DENND1B: variants seen among roughly 807,000 people sequenced by gnomAD.
The protein encoded by DENND1B is DENN domain containing 1B.
A neutral mutation model predicts 90.1 loss-of-function variants in DENND1B; 59 were observed. The ratio of observed to expected loss-of-function variants is 0.65; its 90% CI spans 0.53 to 0.81. The LOEUF is 0.81. DENND1B is among the 40% of genes least tolerant of loss of function. The pLI is 0.00. For synonymous variants in DENND1B, 337 were observed against 324.6 expected (o/e 1.04, Z -0.41); for missense variants, 862 against 912.6 (o/e 0.94, Z 0.71).
rs1446646052 is a variant in DENND1B at position 197,707,852 on chromosome 1, C to A, written c.126+7179G>T. Reference sequence around the variant, plus strand: ...TCACTAGGGAGTGCCAGACAGTGGGCGCAGGCCAGTGTGTGTGCGCACCGT... The same window carrying A: ...TCACTAGGGAGTGCCAGACAGTGGGAGCAGGCCAGTGTGTGTGCGCACCGT... On this transcript the variant is annotated intron_variant, in intron 3 of 22. Transcript: ENST00000620048. Among the ~76,000 whole-genome samples, 4 of 147,208 alleles carry A rather than the reference C, an allele frequency of 2.7e-5. No individual in the cohort carries two copies. In the East Asian group the frequency reaches 8.1e-4, roughly 30 times the overall value.
chr1:197,719,521 A>T (rs533269168), intron 2 of DENND1B, among the ~76,000 whole-genome samples: 37 of 152,356 alleles, frequency 2.4e-4, no homozygotes, highest in East Asian at 9.6e-4. Flanking sequence ...ATATTTTTCT[A>T]TGTAGTAGGT....
At chr1:197,658,643 A>G (rs944209291) in intron 5 of DENND1B, among the ~76,000 whole-genome samples, 1 of 151,674 alleles carries the variant, frequency 6.6e-6, no homozygotes, top group Non-Finnish European at 1.5e-5. Context: ...CATGGTATTC[A>G]ATAAAAGCAT....
At chr1:197,723,855 AAAG>A (rs1228149997) in intron 2 of DENND1B, among the ~76,000 whole-genome samples, 1 of 152,088 alleles carries the variant, frequency 6.6e-6, no homozygotes, top group African/African-American at 2.4e-5. Context: ...TGGTTAAATA[AAAG>A]AAGACATATA....
chr1:197,508,675 G>A lies in DENND1B; in HGVS notation c.*1785C>T, dbSNP rs1289217698. 1 of 151,442 alleles carries A rather than the reference G, an allele frequency of 6.6e-6. No homozygotes were observed. The highest frequency in any genetic ancestry group is 1.5e-5 in the Non-Finnish European group (1 of 67,744). The allele number at this position is 151,442 out of a possible 1,614,324, so 9.4% of individuals were successfully genotyped here. On this transcript the variant is annotated 3_prime_UTR_variant, in exon 23 of 23. Coordinates refer to ENST00000620048, the MANE Select transcript of DENND1B (RefSeq NM_001195215.2). Reference sequence around the variant, plus strand: ...AATATTTAGAATATAGTCTTATTGGGGTTCTTTAATGATTTCTTGAACATC... The same window carrying A: ...AATATTTAGAATATAGTCTTATTGGAGTTCTTTAATGATTTCTTGAACATC...
chr1:197,634,525 G>A (rs1265316000), intron 10 of DENND1B, among the ~76,000 whole-genome samples: 4 of 152,126 alleles, frequency 2.6e-5, no homozygotes, highest in African/African-American at 7.2e-5. Flanking sequence ...TGTATAGGCT[G>A]AACAAGAGTC....
chr1:197,650,339 C>T (rs546642400), intron 7 of DENND1B, among the ~76,000 whole-genome samples: 1 of 152,254 alleles, frequency 6.6e-6, no homozygotes, highest in East Asian at 1.9e-4. Flanking sequence ...AAACTGATCA[C>T]CTGATCACCG....
At chr1:197,669,201 T>A (rs1655240871) in intron 5 of DENND1B, among the ~76,000 whole-genome samples, 1 of 152,154 alleles carries the variant, frequency 6.6e-6, no homozygotes, top group Non-Finnish European at 1.5e-5. Context: ...TTCATCATTA[T>A]GTGCTCAAAT....
intron 10 of DENND1B, among the ~76,000 whole-genome samples, chr1:197,636,674 T>C (rs765946366): frequency 3.3e-5 from 5 of 152,164 alleles, no homozygotes; most frequent in Non-Finnish European, 7.4e-5. Flanking sequence ...TATTATATAT[T>C]GGCTATAATT....
chr1:197,666,906 C>G (rs560201870), intron 5 of DENND1B, among the ~76,000 whole-genome samples: 1 of 152,030 alleles, frequency 6.6e-6, no homozygotes, highest in African/African-American at 2.4e-5. Context: ...GCCTGTAATC[C>G]CAACACTTTG....
intron 5 of DENND1B, among the ~76,000 whole-genome samples, chr1:197,666,360 T>C (rs137892426): frequency 3.3e-5 from 5 of 152,364 alleles, no homozygotes; most frequent in Non-Finnish European, 7.4e-5. Context: ...AAATGTATCT[T>C]AGCAAGTCTT....
At chr1:197,604,157 T>C (rs578238049) in intron 13 of DENND1B, among the ~76,000 whole-genome samples, 49 of 148,630 alleles carry the variant, frequency 3.3e-4, no homozygotes, top group Admixed American at 6.1e-4. Flanking sequence ...TTCCATGTAA[T>C]AATCAATATC....
chr1:197,547,176 G>A (rs1307762079), intron 16 of DENND1B, among the ~76,000 whole-genome samples: 2 of 152,144 alleles, frequency 1.3e-5, no homozygotes, highest in Admixed American at 6.5e-5. Flanking sequence ...GCTGTGGCCA[G>A]GGCACTGTTT....
chr1:197,605,085 TTTAG>T lies in DENND1B; in HGVS notation c.921+1984_921+1987del, dbSNP rs555889221. 6.5e-4 allele frequency among the ~76,000 whole-genome samples: 98 copies of T among 150,302 alleles called. 1 individual carries two copies. In the South Asian group the frequency reaches 0.016, roughly 24 times the overall value. ...TGTGTCCCTGAATTTCAAGCATATA[TTTAG>T]TTAATCAATCTACACCACCTTTCAG... On this transcript the variant is annotated intron_variant, in intron 13 of 22. Transcript: ENST00000620048.
chr1:197,687,660 C>T (rs1010400555), intron 3 of DENND1B, among the ~76,000 whole-genome samples: 1 of 151,972 alleles, frequency 6.6e-6, no homozygotes, highest in Non-Finnish European at 1.5e-5. Context: ...CAGGGTGAGA[C>T]TATCTCAAAA....
rs1183582233 is a variant in DENND1B at position 197,509,417 on chromosome 1, T to C, written c.*1043A>G. On this transcript the variant is annotated 3_prime_UTR_variant, in exon 23 of 23. Transcript: ENST00000620048. ...AAACTAAGAAAATCTGAATAAAGTA[T>C]GGAATATCAATATTGGTTCACTAAT... The C allele has an allele frequency of 6.6e-6, 1 of 151,738 alleles. No individual in the cohort carries two copies. The highest frequency in any genetic ancestry group is 6.6e-5 in the Admixed American group (1 of 15,170). 9.4% of individuals were successfully genotyped at this position (151,738 alleles called of 1,614,324 possible). A position where few individuals can be genotyped will look rare whatever the true frequency, so the allele number is the denominator to read the frequency against.
intron 2 of DENND1B, among the ~76,000 whole-genome samples, chr1:197,721,823 A>G (rs186500517): frequency 9.2e-5 from 14 of 152,224 alleles, no homozygotes; most frequent in African/African-American, 3.4e-4. Flanking sequence ...CCCAAATACT[A>G]CTGATACTAT....
At chr1:197,762,410 G>A (rs1294356052) in intron 2 of DENND1B, among the ~76,000 whole-genome samples, 1 of 152,098 alleles carries the variant, frequency 6.6e-6, no homozygotes, top group Non-Finnish European at 1.5e-5. Context: ...GAGACTACAG[G>A]TGCCCGCCAC....
chr1:197,747,784 C>T (rs1046719092), intron 2 of DENND1B, among the ~76,000 whole-genome samples: 2 of 152,234 alleles, frequency 1.3e-5, no homozygotes, highest in Non-Finnish European at 2.9e-5. Context: ...TCTTCTATAA[C>T]GTATCCAACT....
At chr1:197,556,926 A>C (rs190628733) in intron 15 of DENND1B, among the ~76,000 whole-genome samples, 1 of 152,064 alleles carries the variant, frequency 6.6e-6, no homozygotes, top group Non-Finnish European at 1.5e-5. Context: ...TACCTGGCAA[A>C]ATACCTGCCA....
Sources: gnomAD v4.1 joint callset for allele counts (sites outside exome capture counted in the v4.1 genomes callset) on GRCh38, gnomAD v4.1.1 for gene constraint, MANE v1.5 for transcripts, NCBI Gene and HGNC (gene_info 2026-07-23, HGNC 2026-07-21) for gene names.